Variants in CLIP1 observed in about 807,000 individuals in gnomAD.
CLIP1 encodes the protein CAP-Gly domain-containing linker protein 1.
In CLIP1, 66 loss-of-function variants were observed where a neutral mutation model predicts 161.6. That is an observed-to-expected ratio of 0.41 (90% CI 0.33 to 0.50). The LOEUF (loss-of-function observed/expected upper bound fraction) is 0.50. Ranked by LOEUF, CLIP1 falls within the 20% of genes least tolerant of loss-of-function variation. CLIP1 has a pLI of 0.27. For missense variants in CLIP1, 1,376 were observed against 1,702.0 expected, an observed-to-expected ratio of 0.81 and a Z score of 3.37; for synonymous variants, 598 against 626.2, an observed-to-expected ratio of 0.96 and a Z score of 0.67.
intron 6 of CLIP1, 45 bp from the exon 7 acceptor site, chr12:122,354,601 G>C: frequency 1.4e-6 from 2 of 1,475,660 alleles, no homozygotes; most frequent in Non-Finnish European, 9.5e-7. Context: ...TTCTGACCCA[G>C]ATACAGACCC....
intron 20 of CLIP1, among the ~76,000 whole-genome samples, chr12:122,292,222 C>T (rs559742306): frequency 2.0e-5 from 3 of 151,036 alleles, no homozygotes; most frequent in Admixed American, 6.6e-5. Context: ...AGGCTGGTCT[C>T]GAACTCCTGG....
At chr12:122,353,396 GT>G (rs1645636134) in intron 7 of CLIP1, among the ~76,000 whole-genome samples, 1 of 152,090 alleles carries the variant, frequency 6.6e-6, no homozygotes, top group African/African-American at 2.4e-5. Flanking sequence ...TGAAGCTAAG[GT>G]GGACAGACTG....
Position 122,328,289 on chromosome 12 carries a change from T to C in CLIP1, c.3005A>G (p.Lys1002Arg). ...GTCCGACAATTTCCTCTCCAATTCT[T>C]TCTTTTCTTCCTCATGCTTTTTAGC... ...EAAKKHEEEK[K>R]ELERKLSDLE... is the part of the protein sequence containing the mutation. The change falls in exon 16 of 26, where the codon AAA (lysine) becomes AGA (arginine). Residue 1002 changes from lysine (K) to arginine (R), a missense_variant. Coordinates refer to ENST00000620786, the MANE Select transcript of CLIP1 (RefSeq NM_001247997.2). 1 of 1,614,164 alleles carries C rather than the reference T, an allele frequency of 6.2e-7. No homozygotes were observed. Among genetic ancestry groups the C allele is most frequent in the Non-Finnish European group, 8.5e-7 (1 of 1,180,028 alleles).
Position 122,341,453 on chromosome 12 carries a change from T to C in CLIP1, c.1751A>G (p.His584Arg). 1 of 1,612,366 alleles carries C rather than the reference T, an allele frequency of 6.2e-7. No individual in the cohort carries two copies. Among genetic ancestry groups the C allele is most frequent in the Non-Finnish European group, 8.5e-7 (1 of 1,178,432 alleles). The change falls in exon 11 of 26, where the codon CAT becomes CGT. Residue 584 changes from histidine to arginine, a missense_variant. By Grantham distance (29) the His-to-Arg change is conservative. Coordinates refer to ENST00000620786, the MANE Select transcript of CLIP1 (RefSeq NM_001247997.2). ...KEHFGAREET[H>R]QKEIKALYTA... The stretch of plus-strand genomic sequence containing the variant: ...ATACAGAGCCTTTATCTCCTTCTGA[T>C]GAGTTTCTTCCCGGGCTCCAAAATG...
chr12:122,364,230 C>G lies in CLIP1; in HGVS notation c.658-123G>C. 2.5e-6 allele frequency: 3 copies of G among 1,189,718 alleles called. No individual in the cohort carries two copies. In the South Asian group the frequency reaches 4.3e-5, roughly 17 times the overall value. 73.7% of individuals were successfully genotyped at this position (1,189,718 alleles called of 1,614,324 possible). ...TCCACCAGCAACTTCTTTGCTTTAGCTTCTCTTTGACTCTAAGAGTTCTCT... is the reference window on the plus strand; with the variant it reads ...TCCACCAGCAACTTCTTTGCTTTAGGTTCTCTTTGACTCTAAGAGTTCTCT... On this transcript the variant is annotated intron_variant, in intron 3 of 25. Coordinates refer to ENST00000620786, the MANE Select transcript of CLIP1 (RefSeq NM_001247997.2).
intron 1 of CLIP1, among the ~76,000 whole-genome samples, chr12:122,394,473 A>G (rs1955815858): frequency 8.4e-6 from 1 of 119,570 alleles, no homozygotes; most frequent in Non-Finnish European, 1.6e-5. Context: ...TGGGCAACAC[A>G]GTGAGACGCT....
At chr12:122,388,640 C>T (rs192994274) in intron 1 of CLIP1, among the ~76,000 whole-genome samples, 12 of 152,250 alleles carry the variant, frequency 7.9e-5, no homozygotes, top group Admixed American at 6.5e-4. Context: ...ACAATGGTAG[C>T]TCACCGCACC....
chr12:122,364,194 A>C, intron 3 of CLIP1, 87 bp from the exon 4 acceptor site: 1 of 1,467,360 alleles, frequency 6.8e-7, no homozygotes, highest in East Asian at 2.3e-5. Context: ...TAGGTACTAC[A>C]TTCCATCATT....
At position 122,272,834 on chromosome 12, in the gene CLIP1, G is replaced by A. The variant is rs746490204; in HGVS notation, c.*41C>T. 43 of 1,542,094 alleles carry A rather than the reference G, an allele frequency of 2.8e-5. No individual in the cohort carries two copies. The Middle Eastern group carries it at 1.0e-3, about 36-fold the overall frequency. Reference sequence around the variant, plus strand: ...TGCTGGTGTTACGTTGTGTCAATGCGAGTGCGTCTGAGCAAGCCCAGTTCT... The same window carrying A: ...TGCTGGTGTTACGTTGTGTCAATGCAAGTGCGTCTGAGCAAGCCCAGTTCT... On this transcript the variant is annotated 3_prime_UTR_variant, in exon 26 of 26. Coordinates refer to ENST00000620786, the MANE Select transcript of CLIP1 (RefSeq NM_001247997.2).
chr12:122,275,470 G>A (rs1349343596), intron 24 of CLIP1: 2 of 151,992 alleles, frequency 1.3e-5, no homozygotes, highest in African/African-American at 2.4e-5. Flanking sequence ...AATTAGCTGG[G>A]TGTGGTGGCT....
intron 10 of CLIP1, among the ~76,000 whole-genome samples, chr12:122,344,865 T>G (rs538464359): frequency 6.6e-6 from 1 of 152,222 alleles, no homozygotes; most frequent in African/African-American, 2.4e-5. Flanking sequence ...GGGTAGCTGG[T>G]TATCTTAACA....
At chr12:122,381,478 A>T (rs1955011698) in intron 1 of CLIP1, among the ~76,000 whole-genome samples, 1 of 152,244 alleles carries the variant, frequency 6.6e-6, no homozygotes. Context: ...AAGGTAAAAT[A>T]GTATCCTGTC....
intron 11 of CLIP1, among the ~76,000 whole-genome samples, chr12:122,337,187 C>A (rs1203488355): frequency 6.6e-6 from 1 of 151,784 alleles, no homozygotes; most frequent in Non-Finnish European, 1.5e-5. Flanking sequence ...GTGGCTAATG[C>A]CTGTAATCCC....
rs71082962 is a variant in CLIP1, at chr12:122,299,612, C to CAAAAAAAAAAAAAAAAAAAAAAAAA, written c.3594+10149_3594+10150insTTTTTTTTTTTTTTTTTTTTTTTTT. On this transcript the variant is annotated intron_variant, in intron 20 of 25. Coordinates refer to ENST00000620786, the MANE Select transcript of CLIP1 (RefSeq NM_001247997.2). ...TTTTGTTTTTAAAGAATAAATTCAGCAAAAAAAAAAAAAAAAAAAAGATGC... is the reference window on the plus strand; with the variant it reads ...TTTTGTTTTTAAAGAATAAATTCAGCAAAAAAAAAAAAAAAAAAAAAAAAAAAAAAAAAAAAAAAAAAAAAGATGC... Among the ~76,000 whole-genome samples the CAAAAAAAAAAAAAAAAAAAAAAAAA allele has an allele frequency of 5.4e-4, 34 of 62,510 alleles. 8 individuals are homozygous for CAAAAAAAAAAAAAAAAAAAAAAAAA. Among genetic ancestry groups the CAAAAAAAAAAAAAAAAAAAAAAAAA allele is most frequent in the African/African-American group, 2.3e-3 (33 of 14,340 alleles). 41.0% of individuals were successfully genotyped at this position (62,510 alleles called of 152,430 possible).
intron 18 of CLIP1, 66 bp from the exon 19 acceptor site, chr12:122,316,921 T>C (rs1342748436): frequency 2.0e-6 from 2 of 992,090 alleles, no homozygotes; most frequent in Admixed American, 2.9e-5. Context: ...AATGAACAAA[T>C]TATTCATGAA....
chr12:122,418,659 T>A (rs1956833920), intron 1 of CLIP1, among the ~76,000 whole-genome samples: 1 of 152,160 alleles, frequency 6.6e-6, no homozygotes, highest in Non-Finnish European at 1.5e-5. Flanking sequence ...CTCAGGAGGC[T>A]GAAGTGGGAG....
At chr12:122,388,855 A>C (rs1367784260) in intron 1 of CLIP1, among the ~76,000 whole-genome samples, 2 of 152,152 alleles carry the variant, frequency 1.3e-5, no homozygotes, top group Non-Finnish European at 2.9e-5. Context: ...GGTCATAGGC[A>C]TGAACAACTG....
At chr12:122,295,908 T>C (rs886610761) in intron 20 of CLIP1, among the ~76,000 whole-genome samples, 3 of 152,222 alleles carry the variant, frequency 2.0e-5, no homozygotes, top group East Asian at 3.8e-4. Flanking sequence ...CTGATAGTAG[T>C]ATAGTTTCTC....
intron 25 of CLIP1, 63 bp downstream of exon 25, chr12:122,273,975 C>A: frequency 2.0e-6 from 3 of 1,489,524 alleles, no homozygotes; most frequent in Non-Finnish European, 2.8e-6. Flanking sequence ...TCAAGTGGTC[C>A]GCCCGCCTCG....
Sources: gnomAD v4.1 joint callset for allele counts (sites outside exome capture counted in the v4.1 genomes callset) on GRCh38, gnomAD v4.1.1 for gene constraint, MANE v1.5 for transcripts, NCBI Gene and HGNC (gene_info 2026-07-23, HGNC 2026-07-21) for gene names.